The following NOS1 variants were observed in gnomAD, a reference collection of about 807,000 sequenced individuals.
NOS1 encodes the protein nitric oxide synthase 1.
In NOS1, 51 loss-of-function variants were observed where a neutral mutation model predicts 164.5. The observed-to-expected ratio is 0.31, with a 90% CI of 0.25 to 0.39. NOS1 has a LOEUF of 0.39. Among genes scored for constraint, NOS1 ranks in the 10% least tolerant of loss-of-function variants. The pLI, the probability that NOS1 is intolerant of heterozygous loss-of-function variation, is 1.00. For missense variants in NOS1, 1,362 were observed against 1,885.6 expected (o/e 0.72, Z 5.14); for synonymous variants, 719 against 745.8 (o/e 0.96, Z 0.59).
In NOS1 at chr12:117,233,034, C is replaced by CTTTTTT. The variant is rs34474757; in HGVS notation, c.3236-909_3236-904dup. On this transcript the variant is annotated intron_variant, in intron 21 of 28. Coordinates refer to ENST00000317775, the MANE Select transcript of NOS1 (RefSeq NM_000620.5). ...AGACGTGTGCCATCATGCCTCACTA[C>CTTTTTT]TTTTTTTTTTTTTTTTTTTTTTGAG... Among the ~76,000 whole-genome samples, 72 of 88,354 alleles carry CTTTTTT rather than the reference C, an allele frequency of 8.1e-4. 1 individual carries two copies. Among genetic ancestry groups the CTTTTTT allele is most frequent in the Admixed American group, 2.0e-3 (12 of 5,882 alleles). 58.0% of individuals were successfully genotyped at this position (88,354 alleles called of 152,430 possible).
At chr12:117,248,007 C>CCT (rs1464870779) in intron 17 of NOS1, among the ~76,000 whole-genome samples, 6 of 151,006 alleles carry the variant, frequency 4.0e-5, no homozygotes, top group African/African-American at 1.5e-4. Context: ...CTCTCTCTCT[C>CCT]CTCTCTCTCT....
chr12:117,210,449 G>T lies in NOS1; in HGVS notation c.*4860C>A. 4.1e-6 allele frequency: 4 copies of T among 985,472 alleles called. No homozygotes were observed. Among genetic ancestry groups the T allele is most frequent in the Non-Finnish European group, 3.6e-6 (3 of 829,996 alleles). 61.0% of individuals were successfully genotyped at this position (985,472 alleles called of 1,614,324 possible). A position where few individuals can be genotyped will look rare whatever the true frequency, so the allele number is the denominator to read the frequency against. On this transcript the variant is annotated 3_prime_UTR_variant, in exon 29 of 29. Coordinates refer to ENST00000317775, the MANE Select transcript of NOS1 (RefSeq NM_000620.5). ...ACAGACAGAAGGCTTTGAGGACATG[G>T]TGGCCACAGCGGCATGCTGGGTATG... is the stretch of plus-strand genomic sequence containing the variant.
In NOS1 at chr12:117,211,292, C is replaced by T; in HGVS notation, c.*4017G>A. On this transcript the variant is annotated 3_prime_UTR_variant, in exon 29 of 29. Coordinates refer to ENST00000317775, the MANE Select transcript of NOS1 (RefSeq NM_000620.5). Reference sequence around the variant, plus strand: ...CTTTAATTTCTCCTTTATTCTCACCCTCTACAATGGATGGGGTGCCAGGTA... The same window carrying T: ...CTTTAATTTCTCCTTTATTCTCACCTTCTACAATGGATGGGGTGCCAGGTA... 1.0e-6 allele frequency: 1 copy of T among 985,348 alleles called. No individual in the cohort carries two copies. The highest frequency in any genetic ancestry group is 4.7e-5 in the South Asian group (1 of 21,278). The allele number at this position is 985,348 out of a possible 1,614,324, so 61.0% of individuals were successfully genotyped here.
At chr12:117,263,657 G>C (rs148231495) in intron 13 of NOS1, among the ~76,000 whole-genome samples, 2,390 of 151,224 alleles carry the variant, frequency 0.016, 36 homozygotes, top group Non-Finnish European at 0.021. Flanking sequence ...ATTGCCCCCA[G>C]GACAAGAATT....
At chr12:117,357,627 A>T (rs957838235) in intron 1 of NOS1, among the ~76,000 whole-genome samples, 11 of 152,108 alleles carry the variant, frequency 7.2e-5, no homozygotes, top group Admixed American at 5.9e-4. Flanking sequence ...AAGAACTGAG[A>T]GTATTAGAAT....
At chr12:117,321,898 A>T (rs990084890) in intron 2 of NOS1, among the ~76,000 whole-genome samples, 1 of 150,110 alleles carries the variant, frequency 6.7e-6, no homozygotes, top group African/African-American at 2.4e-5. Context: ...GGGGAACAGA[A>T]TCCTTCCTTC....
At position 117,243,446 on chromosome 12, in the gene NOS1, C is replaced by T. The variant is rs756206239; in HGVS notation, c.2824-11G>A. On this transcript the variant is annotated splice_polypyrimidine_tract_variant and intron_variant, in intron 18 of 28. Transcript: ENST00000317775. The surrounding 1 kb of genome is among the most constrained non-coding windows in gnomAD (Gnocchi z 4.3). The stretch of plus-strand genomic sequence containing the variant: ...GACATCACAGGCTGCCTGTGGTGTA[C>T]ACAAGGCTTTCAGTGACCTCTTTCA... 1.9e-6 allele frequency: 3 copies of T among 1,613,500 alleles called. No individual in the cohort carries two copies. Among genetic ancestry groups the T allele is most frequent in the Non-Finnish European group, 1.7e-6 (2 of 1,179,708 alleles).
intron 1 of NOS1, among the ~76,000 whole-genome samples, chr12:117,351,884 A>AAT (rs1876635006): frequency 6.6e-6 from 1 of 152,204 alleles, no homozygotes; most frequent in Non-Finnish European, 1.5e-5. Flanking sequence ...GAGGGGTCTA[A>AAT]AGTGTTCAAG....
intron 7 of NOS1, among the ~76,000 whole-genome samples, chr12:117,281,353 C>T (rs1371981983): frequency 6.6e-6 from 1 of 151,470 alleles, no homozygotes; most frequent in Non-Finnish European, 1.5e-5. Context: ...AACCCCGTCT[C>T]TACAAAAATA....
At chr12:117,226,507 C>T (rs997089260) in intron 24 of NOS1, among the ~76,000 whole-genome samples, 176 bp downstream of exon 24, 9 of 152,186 alleles carry the variant, frequency 5.9e-5, no homozygotes, top group African/African-American at 2.2e-4. Context: ...GCCTAGCTTG[C>T]TGTGCTGCTC....
intron 3 of NOS1, among the ~76,000 whole-genome samples, chr12:117,294,365 A>C (rs377725481): frequency 6.6e-6 from 1 of 152,092 alleles, no homozygotes; most frequent in South Asian, 2.1e-4. Context: ...TAACAGGACT[A>C]ATAAAAGAGG....
At chr12:117,215,373 G>A in intron 28 of NOS1, 49 bp from the exon 29 acceptor site, 3 of 1,468,910 alleles carry the variant, frequency 2.0e-6, no homozygotes, top group Non-Finnish European at 2.7e-6. Flanking sequence ...GGGCAAGGCT[G>A]CTGTTTCCTC....
At chr12:117,228,559 G>A (rs529931664) in intron 22 of NOS1, among the ~76,000 whole-genome samples, 29 of 152,210 alleles carry the variant, frequency 1.9e-4, no homozygotes, top group Admixed American at 9.8e-4. Context: ...GTTTGGGGAC[G>A]TGTTGACAGC....
chr12:117,310,720 C>T (rs1296968687), intron 3 of NOS1, among the ~76,000 whole-genome samples: 2 of 152,010 alleles, frequency 1.3e-5, no homozygotes, highest in Non-Finnish European at 2.9e-5. Context: ...TCACAGCTCA[C>T]TGCAGCCTTG....
intron 2 of NOS1, among the ~76,000 whole-genome samples, chr12:117,326,785 T>C (rs761091920): frequency 1.3e-5 from 2 of 152,164 alleles, no homozygotes; most frequent in Non-Finnish European, 2.9e-5. Flanking sequence ...AGGCAGGACA[T>C]TGCTTCCTGA....
At chr12:117,298,260 A>G (rs1873561138) in intron 3 of NOS1, among the ~76,000 whole-genome samples, 1 of 151,956 alleles carries the variant, frequency 6.6e-6, no homozygotes, top group South Asian at 2.1e-4. Flanking sequence ...TTGCAGGTGC[A>G]GTTCACAGTA....
chr12:117,326,391 AAAAAAAAAAAC>A (rs754877482), intron 2 of NOS1, among the ~76,000 whole-genome samples: 1,216 of 9,942 alleles, frequency 0.12, 11 homozygotes, highest in South Asian at 0.37. Flanking sequence ...GTCTCAAAAA[AAAAAAAAAAAC>A]AAAAAAACAA....
At position 117,307,994 on chromosome 12, in the gene NOS1, A is replaced by AAATAAT. The variant is rs71444617; in HGVS notation, c.852+3466_852+3471dup. ...AGCACCAGAGACTCTGTCTCACAAT[A>AAATAAT]AATAATAATAATAATAATAATAATA... On this transcript the variant is annotated intron_variant, in intron 3 of 28. Coordinates refer to ENST00000317775, the MANE Select transcript of NOS1 (RefSeq NM_000620.5). Among the ~76,000 whole-genome samples the AAATAAT allele has an allele frequency of 3.9e-3, 585 of 149,838 alleles. 4 individuals carry two copies. The highest frequency in any genetic ancestry group is 0.031 in the East Asian group (156 of 5,006).
chr12:117,218,864 C>T (rs1956653596), intron 27 of NOS1, among the ~76,000 whole-genome samples: 1 of 151,974 alleles, frequency 6.6e-6, no homozygotes, highest in African/African-American at 2.4e-5. Flanking sequence ...AAATGCATCT[C>T]AATGCTGAAG....
Sources: gnomAD v4.1 joint callset for allele counts (sites outside exome capture counted in the v4.1 genomes callset) on GRCh38, gnomAD v4.1.1 for gene constraint, Gnocchi (gnomAD v3.1) non-coding constraint, MANE v1.5 for transcripts, NCBI Gene and HGNC (gene_info 2026-07-23, HGNC 2026-07-21) for gene names.